The following PHLPP1 variants were observed in gnomAD, a reference collection of about 807,000 sequenced individuals.
PHLPP1 encodes the protein PH domain and leucine rich repeat protein phosphatase 1.
Under a neutral mutation model 117.2 loss-of-function variants are expected in PHLPP1, and 42 were observed. That is an observed-to-expected ratio of 0.36 (90% CI 0.28 to 0.46). The LOEUF (loss-of-function observed/expected upper bound fraction) is 0.46, where lower values mean the gene tolerates loss of function less well. PHLPP1 is among the 20% of genes least tolerant of loss of function. The probability of loss-of-function intolerance (pLI) is 1.00; values close to 1 mark genes in which losing one functional copy is unlikely to be tolerated. For missense variants in PHLPP1, 2,084 were observed against 2,241.9 expected (o/e 0.93, Z 1.42); for synonymous variants, 1,042 against 970.7 (o/e 1.07, Z -1.37).
intron 10 of PHLPP1, among the ~76,000 whole-genome samples, chr18:62,939,464 C>A (rs1483628042): frequency 6.6e-6 from 1 of 152,144 alleles, no homozygotes; most frequent in Non-Finnish European, 1.5e-5. Flanking sequence ...GAAACAGACT[C>A]ATAAAAATAC....
At chr18:62,780,842 T>A (rs1317153298) in intron 1 of PHLPP1, among the ~76,000 whole-genome samples, 2 of 152,242 alleles carry the variant, frequency 1.3e-5, no homozygotes, top group Non-Finnish European at 2.9e-5. Context: ...ATACACCTTG[T>A]GGTCCTTGGA....
chr18:62,875,969 A>G (rs186459935), intron 4 of PHLPP1, among the ~76,000 whole-genome samples: 275 of 152,012 alleles, frequency 1.8e-3, no homozygotes, highest in African/African-American at 6.5e-3. Flanking sequence ...CTGACCTGAG[A>G]TGATCTGCCT....
At chr18:62,837,735 A>C (rs1305104920) in intron 2 of PHLPP1, 2 of 148,980 alleles carry the variant, frequency 1.3e-5, no homozygotes, top group African/African-American at 5.0e-5. Flanking sequence ...ATCTCAGCTC[A>C]CTGCAACCTC....
At chr18:62,891,888 CAAAAA>C (rs574107579) in intron 4 of PHLPP1, among the ~76,000 whole-genome samples, 820 of 79,140 alleles carry the variant, frequency 0.01, 3 homozygotes, top group East Asian at 0.026. Flanking sequence ...GACCCTTTCT[CAAAAA>C]AAAAAAAAAA....
rs191463559 is a variant in PHLPP1 at position 62,889,027 on chromosome 18, A to G, written c.2067-5984A>G. Reference sequence around the variant, plus strand: ...CAGTATTTGGATCTGCAAATGTCCTATAATCTGACTGCTTTCCACATCTAG... The same window carrying G: ...CAGTATTTGGATCTGCAAATGTCCTGTAATCTGACTGCTTTCCACATCTAG... On this transcript the variant is annotated intron_variant, in intron 4 of 16. Coordinates refer to ENST00000262719, the MANE Select transcript of PHLPP1 (RefSeq NM_194449.4). 8.5e-5 allele frequency among the ~76,000 whole-genome samples: 13 copies of G among 152,344 alleles called. No homozygotes were observed. The East Asian group carries it at 2.3e-3, about 27-fold the overall frequency.
Position 62,868,453 on chromosome 18 carries a change from T to C in PHLPP1, c.2066+7852T>C, listed in dbSNP as rs533458706. On this transcript the variant is annotated intron_variant, in intron 4 of 16. Coordinates refer to ENST00000262719, the MANE Select transcript of PHLPP1 (RefSeq NM_194449.4). ...CCTGGCCAACATGGTGAAACCCGTC[T>C]CTACTAAAAATACAAAAAAATAGCT... Among the ~76,000 whole-genome samples the C allele has an allele frequency of 2.0e-5, 3 of 151,956 alleles. No homozygotes were observed. The South Asian group carries it at 6.2e-4, about 32-fold the overall frequency.
intron 4 of PHLPP1, among the ~76,000 whole-genome samples, chr18:62,885,363 T>A (rs1916259302): frequency 6.6e-6 from 1 of 152,186 alleles, no homozygotes; most frequent in Non-Finnish European, 1.5e-5. Context: ...TTTACTTGTT[T>A]TAAAAACCTT....
intron 4 of PHLPP1, among the ~76,000 whole-genome samples, chr18:62,874,255 C>T (rs919168669): frequency 2.0e-5 from 3 of 151,612 alleles, no homozygotes; most frequent in African/African-American, 7.3e-5. Context: ...CGCCTGTAAT[C>T]CCAGCACTTT....
chr18:62,786,034 G>T (rs771851404), intron 1 of PHLPP1, among the ~76,000 whole-genome samples: 3 of 152,088 alleles, frequency 2.0e-5, no homozygotes, highest in Non-Finnish European at 4.4e-5. Context: ...TTAATTTCTT[G>T]TAGTCAGTTT....
In PHLPP1 at chr18:62,978,954, C is replaced by T. The variant is rs369112306; in HGVS notation, c.4677C>T (p.Asn1559=). ...AGCCCATCGAGGGCGTCTTCACCAA[C>T]GGCAGCCGGGTGGAGGTGGAGGTGG... ...DEEPIEGVFT[N]GSRVEVEVDI... Residue 1559 remains asparagine (N), a synonymous_variant, in exon 17 of 17, where the codon AAC becomes AAT. Coordinates refer to ENST00000262719, the MANE Select transcript of PHLPP1 (RefSeq NM_194449.4). This position sits in a 1 kb window ranked among gnomAD's most constrained non-coding sequence, Gnocchi z 7.0. 9.4e-5 allele frequency: 152 copies of T among 1,610,206 alleles called. 1 individual carries two copies. The highest frequency in any genetic ancestry group is 5.2e-4 in the African/African-American group (39 of 74,990).
chr18:62,950,581 T>A (rs1910422997), intron 12 of PHLPP1, among the ~76,000 whole-genome samples: 1 of 152,314 alleles, frequency 6.6e-6, no homozygotes, highest in Non-Finnish European at 1.5e-5. Context: ...GAAAGTGGGT[T>A]GATTCTTGGG....
chr18:62,730,345 T>C (rs1348353836), intron 1 of PHLPP1, among the ~76,000 whole-genome samples: 3 of 152,156 alleles, frequency 2.0e-5, no homozygotes, highest in Non-Finnish European at 4.4e-5. Flanking sequence ...GTACTAGTTC[T>C]TACACACCAT....
intron 10 of PHLPP1, among the ~76,000 whole-genome samples, chr18:62,931,577 G>A (rs75612172): frequency 0.035 from 5,136 of 147,730 alleles, 309 homozygotes; most frequent in African/African-American, 0.12. Context: ...AAACAAGATT[G>A]ATAGACTACT....
At chr18:62,903,372 G>C (rs543314872) in intron 7 of PHLPP1, among the ~76,000 whole-genome samples, 2 of 152,056 alleles carry the variant, frequency 1.3e-5, no homozygotes, top group East Asian at 3.9e-4. Context: ...TTTTTTTCTC[G>C]TATTGTGATT....
At chr18:62,823,552 G>A (rs1421362452) in intron 1 of PHLPP1, among the ~76,000 whole-genome samples, 1 of 150,202 alleles carries the variant, frequency 6.7e-6, no homozygotes, top group African/African-American at 2.5e-5. Flanking sequence ...GCAACAGCAA[G>A]ACTGTCTCAA....
rs144880697 is a variant in PHLPP1, at chr18:62,727,985, G to A, written c.1576+10726G>A. On this transcript the variant is annotated intron_variant, in intron 1 of 16. Transcript: ENST00000262719. ...TCTATGTGTATTTTTCACCCTTTAC[G>A]TATTAGAGATAATTTTTTAGGCCAG... is the stretch of plus-strand genomic sequence containing the variant. Among the ~76,000 whole-genome samples the A allele has an allele frequency of 2.6e-4, 40 of 152,078 alleles. No individual in the cohort carries two copies. The East Asian group carries it at 4.3e-3, about 16-fold the overall frequency.
Position 62,958,697 on chromosome 18 carries a change from G to A in PHLPP1, c.3393G>A (p.Gln1131=). ...TLPENLPPKL[Q]ELDLTGNPRL... ...CAGAAAACCTGCCTCCCAAACTGCA[G>A]GAGCTAGACCTGACTGGAAACCCGC... The change falls in exon 13 of 17, where the codon CAG becomes CAA. Residue 1131 remains glutamine, a synonymous_variant. Coordinates refer to ENST00000262719, the MANE Select transcript of PHLPP1 (RefSeq NM_194449.4). 1.9e-6 allele frequency: 3 copies of A among 1,613,998 alleles called. No individual in the cohort carries two copies. Among genetic ancestry groups the A allele is most frequent in the Non-Finnish European group, 2.5e-6 (3 of 1,179,874 alleles).
At chr18:62,881,758 T>C (rs1454328046) in intron 4 of PHLPP1, among the ~76,000 whole-genome samples, 4 of 152,202 alleles carry the variant, frequency 2.6e-5, no homozygotes, top group African/African-American at 9.6e-5. Context: ...CGTAAGTTCA[T>C]GTGGATTCAT....
At chr18:62,844,760 T>C (rs1239594863) in intron 3 of PHLPP1, among the ~76,000 whole-genome samples, 1 of 152,212 alleles carries the variant, frequency 6.6e-6, no homozygotes, top group East Asian at 1.9e-4. Context: ...AGGTATCTTA[T>C]TCCTGAAATA....
Sources: allele counts gnomAD v4.1 joint callset (sites outside exome capture counted in the v4.1 genomes callset), GRCh38; gene constraint gnomAD v4.1.1; non-coding constraint Gnocchi (gnomAD v3.1); transcripts MANE v1.5; gene names NCBI Gene and HGNC (gene_info 2026-07-23, HGNC 2026-07-21).